Variants in SBNO1 observed in about 807,000 individuals in gnomAD.
SBNO1 encodes the protein protein strawberry notch homolog 1.
In SBNO1, 23 loss-of-function variants were observed where a neutral mutation model predicts 173.6. The ratio of observed to expected loss-of-function variants is 0.13; its 90% CI spans 0.10 to 0.19. The LOEUF (loss-of-function observed/expected upper bound fraction) is 0.19, where lower values mean the gene tolerates loss of function less well. Among genes scored for constraint, SBNO1 ranks in the 10% least tolerant of loss-of-function variants. SBNO1 has a pLI of 1.00. For synonymous variants in SBNO1, 632 were observed against 571.5 expected, an observed-to-expected ratio of 1.11 and a Z score of -1.51; for missense variants, 1,238 against 1,671.2, an observed-to-expected ratio of 0.74 and a Z score of 4.52.
At chr12:123,338,885 CACA>C (rs1872179030) in intron 5 of SBNO1, among the ~76,000 whole-genome samples, 1 of 2,868 alleles carries the variant, frequency 3.5e-4, no homozygotes, top group Non-Finnish European at 1.1e-3. Flanking sequence ...CACACACACA[CACA>C]CCCCGACACA....
At chr12:123,359,567 A>AAAG (rs1161181487) in intron 1 of SBNO1, among the ~76,000 whole-genome samples, 50 of 151,400 alleles carry the variant, frequency 3.3e-4, no homozygotes, top group African/African-American at 1.1e-3. Context: ...AAAAAAAAAA[A>AAAG]AGATATATAT....
At chr12:123,327,348 G>T in intron 13 of SBNO1, 78 bp downstream of exon 13, 1 of 1,147,224 alleles carries the variant, frequency 8.7e-7, no homozygotes, top group Non-Finnish European at 1.3e-6. Flanking sequence ...TGGGCAGGAG[G>T]CATCGCAATC....
At chr12:123,323,570 G>A in intron 16 of SBNO1, 110 bp downstream of exon 16, 1 of 629,760 alleles carries the variant, frequency 1.6e-6, no homozygotes, top group Non-Finnish European at 2.5e-6. Flanking sequence ...TAGCCAGGAT[G>A]GTCTCGATCT....
At chr12:123,337,651 TAA>T (rs1173938153) in intron 5 of SBNO1, among the ~76,000 whole-genome samples, 1 of 152,124 alleles carries the variant, frequency 6.6e-6, no homozygotes, top group East Asian at 1.9e-4. Context: ...TATGCTAAAA[TAA>T]AACTCAATTT....
At chr12:123,309,942 T>A in intron 25 of SBNO1, 86 bp from the exon 26 acceptor site, 1 of 1,055,378 alleles carries the variant, frequency 9.5e-7, no homozygotes, top group South Asian at 1.6e-5. Flanking sequence ...TCCCACTTTC[T>A]CTTCTAAAAG....
chr12:123,314,817 G>A (rs756854093), intron 23 of SBNO1, among the ~76,000 whole-genome samples: 5 of 152,054 alleles, frequency 3.3e-5, no homozygotes, highest in Admixed American at 6.6e-5. Flanking sequence ...GGCTGGTCTC[G>A]AATTCCTGAC....
rs2048579158 is a variant in SBNO1 at position 123,295,595 on chromosome 12, G to A, written c.*313C>T. 3.8e-6 allele frequency: 1 copy of A among 262,996 alleles called. No individual in the cohort carries two copies. The highest frequency in any genetic ancestry group is 7.4e-6 in the Non-Finnish European group (1 of 135,540). 16.3% of individuals were successfully genotyped at this position (262,996 alleles called of 1,614,324 possible). On this transcript the variant is annotated 3_prime_UTR_variant, in exon 32 of 32. Coordinates refer to ENST00000602398, the MANE Select transcript of SBNO1 (RefSeq NM_001167856.3). ...GTTCCAAGCATTTTAAACCAACTGTGGTCTGTAGCCTTTAACACACTCACA... is the reference window on the plus strand; with the variant it reads ...GTTCCAAGCATTTTAAACCAACTGTAGTCTGTAGCCTTTAACACACTCACA...
chr12:123,335,947 G>A (rs1871790108), intron 6 of SBNO1, among the ~76,000 whole-genome samples: 2 of 152,194 alleles, frequency 1.3e-5, no homozygotes, highest in South Asian at 4.1e-4. Flanking sequence ...GTTTTTTATA[G>A]AAACCAAGAC....
chr12:123,342,309 G>T (rs1196888045), intron 4 of SBNO1, among the ~76,000 whole-genome samples: 1 of 151,792 alleles, frequency 6.6e-6, no homozygotes, highest in Non-Finnish European at 1.5e-5. Context: ...AAATTAGCTG[G>T]GCGTGGTGGC....
At chr12:123,334,312 AAAAT>A in intron 6 of SBNO1, 99 bp from the exon 7 acceptor site, 3 of 753,654 alleles carry the variant, frequency 4.0e-6, no homozygotes, top group Non-Finnish European at 6.3e-6. Context: ...ATAACATAGA[AAAAT>A]AATTAAAAAG....
intron 30 of SBNO1, among the ~76,000 whole-genome samples, chr12:123,299,096 C>T (rs544711174): frequency 5.3e-5 from 8 of 151,846 alleles, no homozygotes; most frequent in Non-Finnish European, 8.8e-5. Flanking sequence ...GGGCTGGGTG[C>T]GGTGGCTCAC....
chr12:123,302,880 C>G lies in SBNO1; in HGVS notation c.3789G>C (p.Leu1263=). 1.2e-6 allele frequency: 2 copies of G among 1,613,078 alleles called. No individual in the cohort carries two copies. Among genetic ancestry groups the G allele is most frequent in the Non-Finnish European group, 1.7e-6 (2 of 1,179,116 alleles). ...KYKKVVSDDA[L]MHWLDQYNSS... is the part of the protein sequence containing the mutation. ...AATTATACTGATCTAACCAGTGCAT[C>G]AGGGCATCATCTGAGACGACCTGTA... Residue 1263 remains leucine (L), a synonymous_variant, in exon 30 of 32, where the codon CTG becomes CTC. Transcript: ENST00000602398.
At chr12:123,321,826 A>G in intron 16 of SBNO1, 94 bp from the exon 17 acceptor site, 1 of 1,048,140 alleles carries the variant, frequency 9.5e-7, no homozygotes, top group Non-Finnish European at 1.4e-6. Context: ...TTCAAATGAA[A>G]AGTGCAGAGG....
At chr12:123,330,932 C>T (rs745486797) in intron 8 of SBNO1, among the ~76,000 whole-genome samples, 1 of 152,070 alleles carries the variant, frequency 6.6e-6, no homozygotes, top group Non-Finnish European at 1.5e-5. Context: ...ATGGGGAAGG[C>T]GGATCCCATC....
rs904425464 is a variant in SBNO1 at position 123,364,811 on chromosome 12, G to A, written c.-111C>T. ...GTGGCGGCGGCAGCAGCGGCGTCCT[G>A]CTCTGCCTACCTCCCCGCCGCCATC... On this transcript the variant is annotated 5_prime_UTR_variant, in exon 1 of 32. Transcript: ENST00000602398. 6 of 953,718 alleles carry A rather than the reference G, an allele frequency of 6.3e-6. No homozygotes were observed. The highest frequency in any genetic ancestry group is 1.1e-4 in the East Asian group (1 of 8,752). 59.1% of individuals were successfully genotyped at this position (953,718 alleles called of 1,614,324 possible). A position where few individuals can be genotyped will look rare whatever the true frequency, so the allele number is the denominator to read the frequency against.
intron 1 of SBNO1, among the ~76,000 whole-genome samples, chr12:123,357,367 G>A (rs1358969482): frequency 1.3e-4 from 19 of 151,072 alleles, no homozygotes; most frequent in Non-Finnish European, 3.0e-5. Flanking sequence ...GGAGAACACC[G>A]GAACCCAGGG....
At position 123,303,922 on chromosome 12, in the gene SBNO1, CTTTTTTTTTT is replaced by C. The variant is rs11413728; in HGVS notation, c.3768+650_3768+659del. Among the ~76,000 whole-genome samples the C allele has an allele frequency of 2.9e-3, 296 of 100,468 alleles. 2 individuals carry two copies. In the Middle Eastern group the frequency reaches 0.033, roughly 11 times the overall value. 65.9% of individuals were successfully genotyped at this position (100,468 alleles called of 152,430 possible). A position where few individuals can be genotyped will look rare whatever the true frequency, so the allele number is the denominator to read the frequency against. ...TTCAATATATTATAAAATAAGTATT[CTTTTTTTTTT>C]TTTTTTTTTTTTGAGACGGAGTCTT... is the stretch of plus-strand genomic sequence containing the variant. On this transcript the variant is annotated intron_variant, in intron 29 of 31. Transcript: ENST00000602398.
chr12:123,364,013 C>A, intron 1 of SBNO1: 8 of 985,500 alleles, frequency 8.1e-6, no homozygotes, highest in Non-Finnish European at 8.4e-6. Context: ...TCAAAGTAAG[C>A]AAATCCCCAA....
intron 24 of SBNO1, among the ~76,000 whole-genome samples, chr12:123,312,209 G>A (rs777612909): frequency 7.2e-5 from 11 of 151,914 alleles, no homozygotes; most frequent in Non-Finnish European, 1.5e-4. Flanking sequence ...CAAAGTGCTG[G>A]GATTACGGGC....
Sources: allele counts gnomAD v4.1 joint callset (sites outside exome capture counted in the v4.1 genomes callset), GRCh38; gene constraint gnomAD v4.1.1; transcripts MANE v1.5; gene names NCBI Gene and HGNC (gene_info 2026-07-23, HGNC 2026-07-21).